Variants in GRIK1 observed in about 807,000 individuals in gnomAD.
GRIK1 encodes glutamate receptor ionotropic, kainate 1.
Under a neutral mutation model 105.7 loss-of-function variants are expected in GRIK1, and 69 were observed. The observed-to-expected ratio is 0.65, with a 90% CI of 0.54 to 0.80. GRIK1 has a LOEUF of 0.80. GRIK1 is among the 30% of genes least tolerant of loss of function. The pLI, the probability that GRIK1 is intolerant of heterozygous loss-of-function variation, is 0.00. For missense variants in GRIK1, 1,109 were observed against 1,167.3 expected, an observed-to-expected ratio of 0.95 and a Z score of 0.73; for synonymous variants, 438 against 431.3, an observed-to-expected ratio of 1.02 and a Z score of -0.19.
chr21:29,795,387 C>A (rs2145835865), intron 1 of GRIK1, among the ~76,000 whole-genome samples: 1 of 152,144 alleles, frequency 6.6e-6, no homozygotes, highest in Non-Finnish European at 1.5e-5. Flanking sequence ...TTTCCCTGAT[C>A]TTTTACACCA....
intron 1 of GRIK1, among the ~76,000 whole-genome samples, chr21:29,694,417 C>A (rs542787005): frequency 1.3e-5 from 2 of 152,192 alleles, no homozygotes; most frequent in South Asian, 4.2e-4. Context: ...AGCCACCACA[C>A]CCGGCCAGTA....
chr21:29,596,656 T>C, intron 8 of GRIK1, 86 bp from the exon 9 acceptor site: 1 of 928,826 alleles, frequency 1.1e-6, no homozygotes, highest in Non-Finnish European at 1.8e-6. Flanking sequence ...GGTGTGTGAG[T>C]GCTTAGAGTG....
intron 12 of GRIK1, among the ~76,000 whole-genome samples, chr21:29,585,285 A>G (rs1445208031): frequency 6.6e-6 from 1 of 152,190 alleles, no homozygotes; most frequent in Non-Finnish European, 1.5e-5. Context: ...TGGGTCACCA[A>G]GAGCTTATGG....
At chr21:29,815,149 T>C (rs1328335622) in intron 1 of GRIK1, among the ~76,000 whole-genome samples, 1 of 152,200 alleles carries the variant, frequency 6.6e-6, no homozygotes, top group Admixed American at 6.5e-5. Flanking sequence ...ACTTTTTTGC[T>C]TCTCCACTTT....
intron 1 of GRIK1, among the ~76,000 whole-genome samples, chr21:29,757,097 A>G (rs1431235416): frequency 1.3e-5 from 2 of 152,176 alleles, no homozygotes; most frequent in African/African-American, 4.8e-5. Context: ...AGCCTGGGCA[A>G]CAAGATTGAG....
In GRIK1 at chr21:29,939,496, T is replaced by C; in HGVS notation, c.5A>G (p.Glu2Gly). 6.4e-7 allele frequency: 1 copy of C among 1,568,650 alleles called. No individual in the cohort carries two copies. The highest frequency in any genetic ancestry group is 8.7e-7 in the Non-Finnish European group (1 of 1,155,462). ...GGGCTGGGCGAGGAGTGTGCCGTGCTCCATCTTCCTAGCTTCTTAATTCAT... is the reference window on the plus strand; with the variant it reads ...GGGCTGGGCGAGGAGTGTGCCGTGCCCCATCTTCCTAGCTTCTTAATTCAT... M[E>G]HGTLLAQPGL... Residue 2 changes from glutamate to glycine, a missense_variant, in exon 1 of 18, where the codon GAG becomes GGG. Physicochemically the swap from Glu to Gly is moderately conservative, Grantham distance 98. Around this residue, in one of 5 missense-constraint regions of GRIK1, gnomAD observed 612 missense variants for 586.0 expected, o/e 1.04. Coordinates refer to ENST00000327783, the MANE Select transcript of GRIK1 (RefSeq NM_001330994.2).
intron 8 of GRIK1, 140 bp downstream of exon 8, chr21:29,598,690 A>G (rs1237808118): frequency 7.5e-6 from 4 of 530,162 alleles, no homozygotes; most frequent in Non-Finnish European, 1.3e-5. Context: ...CAGAAAAAAG[A>G]AAGAGAGATA....
At chr21:29,764,749 C>T (rs1011464860) in intron 1 of GRIK1, among the ~76,000 whole-genome samples, 40 of 152,010 alleles carry the variant, frequency 2.6e-4, no homozygotes, top group African/African-American at 9.4e-4. Context: ...CAGAAAGGTA[C>T]CTGCTCCTCA....
At chr21:29,634,390 G>A (rs1175691124) in intron 7 of GRIK1, among the ~76,000 whole-genome samples, 1 of 152,144 alleles carries the variant, frequency 6.6e-6, no homozygotes, top group Non-Finnish European at 1.5e-5. Context: ...CTGATATTTA[G>A]AAATAATTTT....
chr21:29,820,911 G>C (rs1344237907), intron 1 of GRIK1, among the ~76,000 whole-genome samples: 3 of 151,764 alleles, frequency 2.0e-5, no homozygotes, highest in African/African-American at 7.3e-5. Flanking sequence ...GCCAGGATTT[G>C]GATACTGGGA....
At chr21:29,655,933 A>G (rs566650752) in intron 4 of GRIK1, among the ~76,000 whole-genome samples, 1 of 152,336 alleles carries the variant, frequency 6.6e-6, no homozygotes, top group Non-Finnish European at 1.5e-5. Flanking sequence ...AATGGTGTCA[A>G]CTGAGAAGAA....
At chr21:29,911,345 G>T (rs1409299995) in intron 1 of GRIK1, among the ~76,000 whole-genome samples, 9 of 151,914 alleles carry the variant, frequency 5.9e-5, no homozygotes, top group Admixed American at 5.9e-4. Context: ...CTGATTTTAT[G>T]CTTCAAAATG....
chr21:29,633,858 T>C (rs945910540), intron 7 of GRIK1, among the ~76,000 whole-genome samples: 3 of 152,158 alleles, frequency 2.0e-5, no homozygotes, highest in Non-Finnish European at 4.4e-5. Flanking sequence ...AGGTGCAGAA[T>C]GAGAAATAGA....
Position 29,591,196 on chromosome 21 carries a change from A to G in GRIK1, c.1281T>C (p.Leu427=). ...KIGIWNSNSG[L]NMTDSNKDKS... ...TGTCTTTGTTGCTGTCCGTCATGTT[A>G]AGCCCACTGTTGGAATTCCAAATCC... The change falls in exon 10 of 18, where the codon CTT becomes CTC. Residue 427 remains leucine, a synonymous_variant. Coordinates refer to ENST00000327783, the MANE Select transcript of GRIK1 (RefSeq NM_001330994.2). The G allele has an allele frequency of 6.2e-7, 1 of 1,609,580 alleles. No homozygotes were observed. The highest frequency in any genetic ancestry group is 1.7e-4 in the Middle Eastern group (1 of 6,050).
At chr21:29,770,055 A>G (rs1181018938) in intron 1 of GRIK1, among the ~76,000 whole-genome samples, 1 of 152,124 alleles carries the variant, frequency 6.6e-6, no homozygotes, top group East Asian at 1.9e-4. Context: ...CACGAGTGCT[A>G]TTCTATAGTC....
At chr21:29,813,122 T>C (rs112482291) in intron 1 of GRIK1, among the ~76,000 whole-genome samples, 2,698 of 152,232 alleles carry the variant, frequency 0.018, 40 homozygotes, top group South Asian at 0.032. Flanking sequence ...TTCACATGCC[T>C]GGCACACGCA....
intron 4 of GRIK1, among the ~76,000 whole-genome samples, chr21:29,658,469 G>A (rs929791570): frequency 1.3e-5 from 2 of 152,088 alleles, no homozygotes; most frequent in Admixed American, 6.5e-5. Context: ...TACCATGTTG[G>A]CCACGCTGGT....
rs1486447357 is a variant in GRIK1, at chr21:29,836,272, A to G, written c.118+103111T>C. On this transcript the variant is annotated intron_variant, in intron 1 of 17. Coordinates refer to ENST00000327783, the MANE Select transcript of GRIK1 (RefSeq NM_001330994.2). ...GGATAAACCAATCATGAGAAATAACATTCTCTTGGGGCCAAGTAGGGAAAG... is the reference window on the plus strand; with the variant it reads ...GGATAAACCAATCATGAGAAATAACGTTCTCTTGGGGCCAAGTAGGGAAAG... Among the ~76,000 whole-genome samples, 7 of 152,324 alleles carry G rather than the reference A, an allele frequency of 4.6e-5. No individual in the cohort carries two copies. The East Asian group carries it at 1.4e-3, about 29-fold the overall frequency.
intron 6 of GRIK1, among the ~76,000 whole-genome samples, chr21:29,648,922 A>G (rs1395228849): frequency 6.6e-6 from 1 of 152,220 alleles, no homozygotes; most frequent in Non-Finnish European, 1.5e-5. Context: ...AATGAAACTG[A>G]AACCAAAGGA....
Sources: allele counts gnomAD v4.1 joint callset (sites outside exome capture counted in the v4.1 genomes callset), GRCh38; gene constraint gnomAD v4.1.1; regional missense constraint gnomAD v4.1.1; transcripts MANE v1.5; gene names NCBI Gene and HGNC (gene_info 2026-07-23, HGNC 2026-07-21).